AFG1L: variants seen among roughly 807,000 people sequenced by gnomAD.
The protein encoded by AFG1L is AFG1 like ATPase.
Under a neutral mutation model 62.2 loss-of-function variants are expected in AFG1L, and 53 were observed. The observed-to-expected ratio is 0.85, with a 90% CI of 0.68 to 1.07. The LOEUF is 1.07. Among genes scored for constraint, AFG1L ranks in the 50% least tolerant of loss-of-function variants. The probability of loss-of-function intolerance (pLI) is 0.00; values close to 1 mark genes in which losing one functional copy is unlikely to be tolerated. For missense variants in AFG1L, 555 were observed against 590.5 expected, an observed-to-expected ratio of 0.94 and a Z score of 0.62; for synonymous variants, 228 against 210.3, an observed-to-expected ratio of 1.08 and a Z score of -0.73.
Position 108,519,697 on chromosome 6 carries a change from G to T in AFG1L, c.1204G>T (p.Val402Leu). 6.5e-7 allele frequency: 1 copy of T among 1,537,978 alleles called. No homozygotes were observed. Among genetic ancestry groups the T allele is most frequent in the Non-Finnish European group, 9.0e-7 (1 of 1,116,556 alleles). ...TLIDNFYDLK[V>L]RIICSASTPI... ...ATTTACCCATTTTCTTCTATTTCAG[G>T]TGCGTATAATTTGCTCTGCGTCGAC... The change falls in exon 12 of 13, where the codon GTG becomes TTG. Residue 402 changes from valine (V) to leucine (L), a missense_variant and splice_region_variant. By Grantham distance (32) the Val-to-Leu change is conservative. Transcript: ENST00000368977.
chr6:108,403,318 G>A (rs990006765), intron 7 of AFG1L, among the ~76,000 whole-genome samples: 2 of 152,064 alleles, frequency 1.3e-5, no homozygotes, highest in South Asian at 2.1e-4. Flanking sequence ...TACCCAAGAA[G>A]GGTTAAAATG....
chr6:108,315,304 A>T (rs957645897), intron 1 of AFG1L, among the ~76,000 whole-genome samples: 2 of 152,224 alleles, frequency 1.3e-5, no homozygotes, highest in Admixed American at 1.3e-4. Context: ...ACTTTGCCTC[A>T]TCTATAACCT....
intron 2 of AFG1L, among the ~76,000 whole-genome samples, chr6:108,339,572 A>C (rs1778604792): frequency 6.8e-6 from 1 of 146,180 alleles, no homozygotes; most frequent in Admixed American, 7.2e-5. Flanking sequence ...TGATTCTCCC[A>C]CCTCAGTCTC....
At chr6:108,326,190 C>T (rs6903360) in intron 2 of AFG1L, among the ~76,000 whole-genome samples, 106,285 of 152,014 alleles carry the variant, frequency 0.7, 40,762 homozygotes, top group Non-Finnish European at 0.87. Context: ...CCTCCCGCAG[C>T]CCCCTGAGTA....
chr6:108,484,109 G>T (rs1773434245), intron 10 of AFG1L, among the ~76,000 whole-genome samples: 1 of 152,210 alleles, frequency 6.6e-6, no homozygotes, highest in Admixed American at 6.5e-5. Context: ...GGCTGATGGT[G>T]TTGGGATGCC....
Position 108,295,168 on chromosome 6 carries a change from C to T in AFG1L, c.89C>T (p.Ala30Val), listed in dbSNP as rs202054974. Reference sequence around the variant, plus strand: ...AGATGTGTTGGGTGCGGGGCCTGGGCCGCCGCTCTCGCTCCTCTGGCCACC... The same window carrying T: ...AGATGTGTTGGGTGCGGGGCCTGGGTCGCCGCTCTCGCTCCTCTGGCCACC... ...RGRCVGCGAW[A>V]AALAPLATAP... The change falls in exon 1 of 13, where the codon GCC becomes GTC. Residue 30 changes from alanine (A) to valine (V), a missense_variant. Transcript: ENST00000368977. 1.2e-6 allele frequency: 2 copies of T among 1,608,316 alleles called. No individual in the cohort carries two copies. The highest frequency in any genetic ancestry group is 1.7e-6 in the Non-Finnish European group (2 of 1,179,852).
chr6:108,524,423 C>T lies in AFG1L; in HGVS notation c.*1998C>T, dbSNP rs1055009714. 1.3e-5 allele frequency: 2 copies of T among 152,200 alleles called. No individual in the cohort carries two copies. Among genetic ancestry groups the T allele is most frequent in the Non-Finnish European group, 1.5e-5 (1 of 68,046 alleles). The allele number at this position is 152,200 out of a possible 1,614,324, so 9.4% of individuals were successfully genotyped here. A position where few individuals can be genotyped will look rare whatever the true frequency, so the allele number is the denominator to read the frequency against. On this transcript the variant is annotated 3_prime_UTR_variant, in exon 13 of 13. Coordinates refer to ENST00000368977, the MANE Select transcript of AFG1L (RefSeq NM_145315.5). The stretch of plus-strand genomic sequence containing the variant: ...GTCAAGTTATGTTATAAAAGTTCAT[C>T]TGAGGTCAGATATTGGGAATAAAGT...
intron 5 of AFG1L, among the ~76,000 whole-genome samples, chr6:108,358,909 T>C (rs2114471439): frequency 6.6e-6 from 1 of 152,350 alleles, no homozygotes; most frequent in South Asian, 2.1e-4. Flanking sequence ...AAAATCTGGC[T>C]GTGCAAAGCA....
At chr6:108,405,910 A>G (rs1219684290) in intron 7 of AFG1L, among the ~76,000 whole-genome samples, 3 of 152,102 alleles carry the variant, frequency 2.0e-5, no homozygotes, top group Non-Finnish European at 4.4e-5. Flanking sequence ...GGCTTATTTC[A>G]CTTAGCACAT....
In AFG1L at chr6:108,477,838, A is replaced by G. The variant is rs376593755; in HGVS notation, c.1062+546A>G. On this transcript the variant is annotated intron_variant, in intron 10 of 12. Coordinates refer to ENST00000368977, the MANE Select transcript of AFG1L (RefSeq NM_145315.5). The stretch of plus-strand genomic sequence containing the variant: ...AAAATGTTTAGCTGTATATGCACAC[A>G]TTCATATAACTGAGAAAGATCTTGA... 2.6e-4 allele frequency among the ~76,000 whole-genome samples: 40 copies of G among 152,334 alleles called. 1 individual carries two copies. In the East Asian group the frequency reaches 5.6e-3, roughly 21 times the overall value.
chr6:108,336,250 T>C (rs1253909095), intron 2 of AFG1L, among the ~76,000 whole-genome samples: 1 of 152,218 alleles, frequency 6.6e-6, no homozygotes, highest in African/African-American at 2.4e-5. Flanking sequence ...TCTGATTCTA[T>C]CATTTTGGGA....
intron 1 of AFG1L, 147 bp downstream of exon 1, chr6:108,295,365 C>G: frequency 2.3e-6 from 2 of 855,304 alleles, no homozygotes; most frequent in Non-Finnish European, 3.5e-6. Flanking sequence ...TTTCTCTTGA[C>G]CTTTTATACT....
chr6:108,324,872 T>C (rs922061016), intron 2 of AFG1L, among the ~76,000 whole-genome samples: 2 of 152,092 alleles, frequency 1.3e-5, no homozygotes, highest in Non-Finnish European at 2.9e-5. Flanking sequence ...TTTGTATTTT[T>C]AGTAGAGACG....
rs563501383 is a variant in AFG1L at position 108,480,103 on chromosome 6, A to T, written c.1062+2811A>T. 6.6e-5 allele frequency among the ~76,000 whole-genome samples: 10 copies of T among 152,314 alleles called. No individual in the cohort carries two copies. In the South Asian group the frequency reaches 2.1e-3, roughly 32 times the overall value. ...CACCTCTTCCCTCACTGTTCCAAGC[A>T]CAGTTCCTCAGATTTAGAATCCTGC... On this transcript the variant is annotated intron_variant, in intron 10 of 12. Transcript: ENST00000368977.
intron 10 of AFG1L, among the ~76,000 whole-genome samples, chr6:108,504,397 G>A (rs1459040843): frequency 6.6e-6 from 1 of 152,168 alleles, no homozygotes; most frequent in Non-Finnish European, 1.5e-5. Context: ...TGAAGAGAGG[G>A]AGAAAGATGG....
intron 8 of AFG1L, among the ~76,000 whole-genome samples, chr6:108,453,939 C>G (rs899338750): frequency 1.3e-5 from 2 of 152,192 alleles, no homozygotes; most frequent in African/African-American, 2.4e-5. Flanking sequence ...CTGAAACATT[C>G]ACCAGTGCAA....
intron 7 of AFG1L, among the ~76,000 whole-genome samples, chr6:108,431,598 T>C (rs1771076705): frequency 3.7e-5 from 1 of 26,868 alleles, no homozygotes; most frequent in African/African-American, 1.7e-4. Flanking sequence ...TCTTTGTTGC[T>C]TTTTTTTTTT....
chr6:108,524,043 C>T lies in AFG1L; in HGVS notation c.*1618C>T, dbSNP rs1375380999. 1 of 152,018 alleles carries T rather than the reference C, an allele frequency of 6.6e-6. No homozygotes were observed. The highest frequency in any genetic ancestry group is 6.6e-5 in the Admixed American group (1 of 15,244). 9.4% of individuals were successfully genotyped at this position (152,018 alleles called of 1,614,324 possible). A position where few individuals can be genotyped will look rare whatever the true frequency, so the allele number is the denominator to read the frequency against. On this transcript the variant is annotated 3_prime_UTR_variant, in exon 13 of 13. Coordinates refer to ENST00000368977, the MANE Select transcript of AFG1L (RefSeq NM_145315.5). The stretch of plus-strand genomic sequence containing the variant: ...ACTGAGTCTTGGGAAAGTTAAGTAG[C>T]TTGACCTGAGATTCACAGTTTACAA...
At chr6:108,407,401 A>G (rs954140493) in intron 7 of AFG1L, among the ~76,000 whole-genome samples, 2 of 152,120 alleles carry the variant, frequency 1.3e-5, no homozygotes, top group Non-Finnish European at 2.9e-5. Flanking sequence ...AGTCAAAGAT[A>G]AACCCTGTGG....
Sources: allele counts gnomAD v4.1 joint callset (sites outside exome capture counted in the v4.1 genomes callset), GRCh38; gene constraint gnomAD v4.1.1; transcripts MANE v1.5; gene names NCBI Gene and HGNC (gene_info 2026-07-23, HGNC 2026-07-21).